The following FCHSD2 variants were observed in gnomAD, a reference collection of about 807,000 sequenced individuals.
The protein encoded by FCHSD2 is FCH and double SH3 domains 2, also known as F-BAR and double SH3 domains protein 2.
A neutral mutation model predicts 108.1 loss-of-function variants in FCHSD2; 38 were observed. The ratio of observed to expected loss-of-function variants is 0.35; its 90% CI spans 0.27 to 0.46. The LOEUF (loss-of-function observed/expected upper bound fraction) is 0.46, where lower values mean the gene tolerates loss of function less well. Among genes scored for constraint, FCHSD2 ranks in the 20% least tolerant of loss-of-function variants. The pLI is 1.00. For synonymous variants in FCHSD2, 279 were observed against 314.7 expected, an observed-to-expected ratio of 0.89 and a Z score of 1.20; for missense variants, 751 against 897.8, an observed-to-expected ratio of 0.84 and a Z score of 2.09.
At chr11:72,868,079 CA>C (rs761832406) in intron 12 of FCHSD2, 53 bp from the exon 13 acceptor site, 40 of 1,511,224 alleles carry the variant, frequency 2.6e-5, no homozygotes, top group Non-Finnish European at 3.6e-5. Flanking sequence ...TTCACAATAG[CA>C]AAGATAAGGA....
At chr11:73,017,245 C>T (rs183778210) in intron 3 of FCHSD2, among the ~76,000 whole-genome samples, 194 of 152,286 alleles carry the variant, frequency 1.3e-3, no homozygotes, top group Admixed American at 2.3e-3. Flanking sequence ...TCCCAAAGTT[C>T]TGGGATTACA....
intron 3 of FCHSD2, among the ~76,000 whole-genome samples, chr11:73,054,781 TC>T (rs1257787608): frequency 6.6e-6 from 1 of 151,404 alleles, no homozygotes; most frequent in East Asian, 1.9e-4. Context: ...TCTTAAGTGA[TC>T]CCCCCCACCT....
intron 5 of FCHSD2, among the ~76,000 whole-genome samples, chr11:72,997,696 T>C (rs1857545796): frequency 6.6e-6 from 1 of 152,306 alleles, no homozygotes; most frequent in East Asian, 1.9e-4. Flanking sequence ...TTCCAAAATA[T>C]GAGGTTTTCT....
chr11:72,908,561 T>C (rs1199595344), intron 9 of FCHSD2, among the ~76,000 whole-genome samples: 2 of 152,226 alleles, frequency 1.3e-5, no homozygotes, highest in African/African-American at 2.4e-5. Context: ...TGCCTATCTT[T>C]TGGATAAAAG....
chr11:72,938,855 T>C (rs1334550358), intron 8 of FCHSD2, among the ~76,000 whole-genome samples: 1 of 152,222 alleles, frequency 6.6e-6, no homozygotes, highest in Non-Finnish European at 1.5e-5. Context: ...TTCTTAATAA[T>C]TTAATTCATT....
intron 12 of FCHSD2, among the ~76,000 whole-genome samples, chr11:72,875,865 G>A (rs1854958416): frequency 6.6e-6 from 1 of 152,202 alleles, no homozygotes; most frequent in Non-Finnish European, 1.5e-5. Context: ...CTGACTTCTT[G>A]AAATATGCTG....
At chr11:73,139,779 T>G (rs1861204345) in intron 2 of FCHSD2, among the ~76,000 whole-genome samples, 1 of 152,240 alleles carries the variant, frequency 6.6e-6, no homozygotes, top group African/African-American at 2.4e-5. Context: ...TTAATTATTA[T>G]AATTTGACTA....
chr11:72,859,017 G>A (rs752747258), intron 13 of FCHSD2, among the ~76,000 whole-genome samples: 17 of 152,194 alleles, frequency 1.1e-4, no homozygotes, highest in Non-Finnish European at 1.9e-4. Context: ...GACATAGGGA[G>A]AAGAAACCCA....
intron 4 of FCHSD2, among the ~76,000 whole-genome samples, chr11:73,002,314 T>C (rs1042346073): frequency 6.6e-6 from 1 of 152,220 alleles, no homozygotes; most frequent in African/African-American, 2.4e-5. Context: ...GAAATAGTCA[T>C]TATTTAGGCA....
chr11:73,140,233 C>G (rs1861215376), intron 1 of FCHSD2, 105 bp from the exon 2 acceptor site: 1 of 566,694 alleles, frequency 1.8e-6, no homozygotes, highest in Middle Eastern at 4.6e-4. Flanking sequence ...TCGCCTCTCC[C>G]CTGAAGGCCA....
intron 12 of FCHSD2, among the ~76,000 whole-genome samples, chr11:72,873,893 G>A (rs1246384365): frequency 6.6e-6 from 1 of 152,074 alleles, no homozygotes; most frequent in Admixed American, 6.5e-5. Context: ...ATCAAAAACT[G>A]CCAACTACCT....
At chr11:72,863,282 T>TA (rs918957548) in intron 13 of FCHSD2, among the ~76,000 whole-genome samples, 6 of 148,972 alleles carry the variant, frequency 4.0e-5, no homozygotes, top group East Asian at 1.9e-4. Flanking sequence ...AAAGGACAGT[T>TA]AAAAAAAAAA....
intron 3 of FCHSD2, among the ~76,000 whole-genome samples, chr11:73,080,370 C>T (rs561526540): frequency 6.7e-6 from 1 of 150,192 alleles, no homozygotes; most frequent in African/African-American, 2.4e-5. Context: ...TAACTTTGAC[C>T]ACTCTGTAAA....
intron 13 of FCHSD2, among the ~76,000 whole-genome samples, chr11:72,860,759 C>G (rs1405601530): frequency 6.6e-6 from 1 of 151,152 alleles, no homozygotes; most frequent in African/African-American, 2.4e-5. Context: ...AGGAGGTTGC[C>G]GTCAGCTGAG....
At chr11:72,967,176 G>A (rs1856924298) in intron 8 of FCHSD2, among the ~76,000 whole-genome samples, 1 of 151,372 alleles carries the variant, frequency 6.6e-6, no homozygotes, top group East Asian at 1.9e-4. Flanking sequence ...CTCCAGCCTG[G>A]GCGACAGAGC....
intron 16 of FCHSD2, 69 bp from the exon 17 acceptor site, chr11:72,842,910 T>C: frequency 8.4e-7 from 1 of 1,195,974 alleles, no homozygotes; most frequent in Non-Finnish European, 1.2e-6. Flanking sequence ...ACCACCCCTA[T>C]GCTCACATGA....
chr11:72,905,949 T>C (rs1270069626), intron 9 of FCHSD2, among the ~76,000 whole-genome samples: 1 of 152,226 alleles, frequency 6.6e-6, no homozygotes, highest in Non-Finnish European at 1.5e-5. Context: ...TTTGGGTATA[T>C]ACCCAGTAAT....
chr11:72,940,565 T>C, intron 8 of FCHSD2: 1 of 1,173,944 alleles, frequency 8.5e-7, no homozygotes, highest in Non-Finnish European at 1.3e-6. Flanking sequence ...CGCTTTCTTC[T>C]GAGAGTCAGC....
Position 73,141,997 on chromosome 11 carries a change from A to T in FCHSD2, c.-120T>A, listed in dbSNP as rs1045742619. Reference sequence around the variant, plus strand: ...CGCGCGTGTGTGAAAGGAGCGCTTAAGAAGCAAGACTTGCCCCGGAGGGAG... The same window carrying T: ...CGCGCGTGTGTGAAAGGAGCGCTTATGAAGCAAGACTTGCCCCGGAGGGAG... On this transcript the variant is annotated 5_prime_UTR_variant, in exon 1 of 20. Transcript: ENST00000409418. The T allele has an allele frequency of 9.8e-7, 1 of 1,015,232 alleles. No individual in the cohort carries two copies. The highest frequency in any genetic ancestry group is 1.6e-5 in the African/African-American group (1 of 61,474). The allele number at this position is 1,015,232 out of a possible 1,614,324, so 62.9% of individuals were successfully genotyped here.
Sources: gnomAD v4.1 joint callset for allele counts (sites outside exome capture counted in the v4.1 genomes callset) on GRCh38, gnomAD v4.1.1 for gene constraint, MANE v1.5 for transcripts, NCBI Gene and HGNC (gene_info 2026-07-23, HGNC 2026-07-21) for gene names.